Variants in SORCS3 observed in about 807,000 individuals in gnomAD.
SORCS3 encodes VPS10 domain-containing receptor SorCS3.
SORCS3 carries 57 observed loss-of-function variants against 146.3 expected under a neutral mutation model. The observed-to-expected ratio is 0.39, with a 90% CI of 0.31 to 0.49. SORCS3 has a LOEUF of 0.49. SORCS3 is among the 20% of genes least tolerant of loss of function. The probability of loss-of-function intolerance (pLI) is 0.92; values close to 1 mark genes in which losing one functional copy is unlikely to be tolerated. For synonymous variants in SORCS3, 653 were observed against 618.5 expected (o/e 1.06, Z -0.83); for missense variants, 1,341 against 1,575.5 (o/e 0.85, Z 2.52).
chr10:105,239,301 C>T (rs2056810055), intron 20 of SORCS3, among the ~76,000 whole-genome samples: 1 of 152,146 alleles, frequency 6.6e-6, no homozygotes, highest in South Asian at 2.1e-4. Context: ...TTAAATAAGG[C>T]AAGCATAGTG....
At chr10:105,168,584 G>T (rs2056334213) in intron 13 of SORCS3, among the ~76,000 whole-genome samples, 1 of 152,198 alleles carries the variant, frequency 6.6e-6, no homozygotes, top group Admixed American at 6.5e-5. Context: ...TTAGATATTG[G>T]GAGATAAACA....
intron 1 of SORCS3, among the ~76,000 whole-genome samples, chr10:104,784,149 C>T (rs1394079194): frequency 6.6e-6 from 1 of 152,176 alleles, no homozygotes; most frequent in Admixed American, 6.5e-5. Context: ...GAAAAGACCC[C>T]AGAACTGGTG....
rs146090634 is a variant in SORCS3, at chr10:105,035,338, C to T, written c.955-7717C>T. ...AAGTCTCCAGATTCTCTGGGGGATG[C>T]TGTATTCGTTTGGCTTTTGGAGATG... On this transcript the variant is annotated intron_variant, in intron 4 of 26. Coordinates refer to ENST00000369701, the MANE Select transcript of SORCS3 (RefSeq NM_014978.3). Among the ~76,000 whole-genome samples, 571 of 152,216 alleles carry T rather than the reference C, an allele frequency of 3.8e-3. 3 individuals are homozygous for T. Among genetic ancestry groups the T allele is most frequent in the African/African-American group, 0.013 (542 of 41,538 alleles).
intron 2 of SORCS3, among the ~76,000 whole-genome samples, chr10:104,900,263 G>A (rs1027687730): frequency 6.6e-6 from 1 of 152,130 alleles, no homozygotes; most frequent in Non-Finnish European, 1.5e-5. Flanking sequence ...CAGGCACTCA[G>A]GTTTGGTATC....
intron 14 of SORCS3, among the ~76,000 whole-genome samples, chr10:105,189,857 C>T (rs529249526): frequency 6.6e-6 from 1 of 152,318 alleles, no homozygotes; most frequent in African/African-American, 2.4e-5. Flanking sequence ...GGATTCCCAA[C>T]TGGAGGCTAA....
intron 14 of SORCS3, among the ~76,000 whole-genome samples, chr10:105,186,106 G>C (rs560918280): frequency 2.6e-5 from 4 of 152,252 alleles, no homozygotes; most frequent in Admixed American, 6.5e-5. Context: ...ATGCCTCCAG[G>C]TACATACATG....
chr10:104,694,266 G>A (rs1046248206), intron 1 of SORCS3, among the ~76,000 whole-genome samples: 1 of 151,598 alleles, frequency 6.6e-6, no homozygotes, highest in African/African-American at 2.4e-5. Flanking sequence ...CTCTGAGACA[G>A]GCCCCTGAGT....
chr10:104,908,358 A>G (rs747389009), intron 2 of SORCS3, among the ~76,000 whole-genome samples: 2 of 152,252 alleles, frequency 1.3e-5, no homozygotes, highest in Non-Finnish European at 2.9e-5. Context: ...GCAAATCAAG[A>G]AAAAGAAAAC....
rs75336863 is a variant in SORCS3 at position 105,146,862 on chromosome 10, C to T, written c.1303-755C>T. 9.7e-4 allele frequency among the ~76,000 whole-genome samples: 147 copies of T among 152,112 alleles called. 1 individual carries two copies. The highest frequency in any genetic ancestry group is 6.6e-3 in the Admixed American group (101 of 15,264). Reference sequence around the variant, plus strand: ...GCTTAGAATAGTCCCCAAAGAAATCCAACCTCTTCACTAGGTGAGAAAATT... The same window carrying T: ...GCTTAGAATAGTCCCCAAAGAAATCTAACCTCTTCACTAGGTGAGAAAATT... On this transcript the variant is annotated intron_variant, in intron 8 of 26. Transcript: ENST00000369701.
At chr10:104,695,808 A>T (rs2016168148) in intron 1 of SORCS3, among the ~76,000 whole-genome samples, 3 of 151,416 alleles carry the variant, frequency 2.0e-5, no homozygotes, top group Non-Finnish European at 4.4e-5. Context: ...ATTTGTGCAT[A>T]ATACTCCATT....
chr10:105,204,180 T>C (rs913954118), intron 16 of SORCS3, among the ~76,000 whole-genome samples: 5 of 152,140 alleles, frequency 3.3e-5, no homozygotes, highest in Admixed American at 6.6e-5. Flanking sequence ...ATCTTTATTA[T>C]TGCCTTTTAA....
chr10:105,205,018 G>C (rs571235093), intron 16 of SORCS3, among the ~76,000 whole-genome samples: 1 of 152,152 alleles, frequency 6.6e-6, no homozygotes, highest in Non-Finnish European at 1.5e-5. Context: ...ATTAGCTAAG[G>C]CATCTGAAAT....
chr10:104,741,087 A>G (rs918539997), intron 1 of SORCS3, among the ~76,000 whole-genome samples: 1 of 151,658 alleles, frequency 6.6e-6, no homozygotes, highest in Admixed American at 6.6e-5. Context: ...TCAGCCTCCC[A>G]AGTAGCTGAT....
intron 1 of SORCS3, among the ~76,000 whole-genome samples, chr10:104,765,970 G>GTATC (rs2017175402): frequency 6.6e-6 from 1 of 152,174 alleles, no homozygotes; most frequent in South Asian, 2.1e-4. Flanking sequence ...GAACATCTTG[G>GTATC]TATCCACAGC....
chr10:105,161,526 T>C (rs182625941), intron 11 of SORCS3, among the ~76,000 whole-genome samples: 2 of 152,170 alleles, frequency 1.3e-5, no homozygotes, highest in East Asian at 3.9e-4. Context: ...AAGTATACCC[T>C]GGGATTCATC....
chr10:104,755,786 A>T (rs2017043779), intron 1 of SORCS3, among the ~76,000 whole-genome samples: 1 of 152,236 alleles, frequency 6.6e-6, no homozygotes, highest in African/African-American at 2.4e-5. Flanking sequence ...ATGATGTAGA[A>T]TAATACCATT....
intron 20 of SORCS3, among the ~76,000 whole-genome samples, chr10:105,237,534 G>T (rs1172307580): frequency 2.6e-5 from 4 of 152,164 alleles, no homozygotes; most frequent in African/African-American, 9.7e-5. Flanking sequence ...TTTGAAAGAG[G>T]TGCATTTTCA....
intron 9 of SORCS3, among the ~76,000 whole-genome samples, chr10:105,151,223 A>T (rs769578435): frequency 5.3e-5 from 8 of 152,204 alleles, no homozygotes; most frequent in Non-Finnish European, 1.2e-4. Context: ...ATTGTTGGAA[A>T]TAAGAAGAGA....
At position 104,949,304 on chromosome 10, in the gene SORCS3, A is replaced by G. The variant is rs140670112; in HGVS notation, c.796-28031A>G. ...TGAGTGGTGGAAGGAACTTTTGCCTATATGCCATGGGGAAAGAGAAATAGT... is the reference window on the plus strand; with the variant it reads ...TGAGTGGTGGAAGGAACTTTTGCCTGTATGCCATGGGGAAAGAGAAATAGT... On this transcript the variant is annotated intron_variant, in intron 3 of 26. Transcript: ENST00000369701. Among the ~76,000 whole-genome samples, 734 of 152,292 alleles carry G rather than the reference A, an allele frequency of 4.8e-3. 5 individuals carry two copies. The highest frequency in any genetic ancestry group is 0.017 in the African/African-American group (705 of 41,558).
Sources: allele counts gnomAD v4.1 joint callset (sites outside exome capture counted in the v4.1 genomes callset), GRCh38; gene constraint gnomAD v4.1.1; transcripts MANE v1.5; gene names NCBI Gene and HGNC (gene_info 2026-07-23, HGNC 2026-07-21).